The following DLGAP2 variants were observed in gnomAD, a reference collection of about 807,000 sequenced individuals.
DLGAP2 encodes the protein disks large-associated protein 2.
A neutral mutation model predicts 100.3 loss-of-function variants in DLGAP2; 26 were observed. The ratio of observed to expected loss-of-function variants is 0.26; its 90% confidence interval spans 0.19 to 0.36. The LOEUF (loss-of-function observed/expected upper bound fraction) is 0.36. DLGAP2 is among the 10% of genes least tolerant of loss of function. The pLI is 1.00. For missense variants in DLGAP2, 1,858 were observed against 1,453.2 expected (o/e 1.28, Z -4.53); for synonymous variants, 886 against 630.1 (o/e 1.41, Z -6.08).
chr8:1,462,919 C>A (rs1798501443), intron 3 of DLGAP2, among the ~76,000 whole-genome samples: 1 of 152,184 alleles, frequency 6.6e-6, no homozygotes, highest in Non-Finnish European at 1.5e-5. Context: ...CACATGTTGC[C>A]CTCATCCCAT....
intron 3 of DLGAP2, among the ~76,000 whole-genome samples, chr8:1,313,946 C>T (rs995842966): frequency 6.6e-6 from 1 of 152,074 alleles, no homozygotes; most frequent in Non-Finnish European, 1.5e-5. Context: ...GATCACACTT[C>T]AGTATTGGTT....
chr8:990,364 G>C (rs58090148), intron 2 of DLGAP2, among the ~76,000 whole-genome samples: 8,685 of 53,916 alleles, frequency 0.16, 357 homozygotes, highest in Middle Eastern at 0.27. Context: ...TCCTTGCCCG[G>C]ACCCCCTGCA....
chr8:798,343 G>T (rs1421560858), intron 1 of DLGAP2, among the ~76,000 whole-genome samples: 2 of 146,694 alleles, frequency 1.4e-5, no homozygotes, highest in East Asian at 2.1e-4. Flanking sequence ...GCAAACGCTT[G>T]TTGAGTCAGG....
At chr8:1,618,942 G>C (rs1168428442) in intron 6 of DLGAP2, among the ~76,000 whole-genome samples, 1 of 152,118 alleles carries the variant, frequency 6.6e-6, no homozygotes, top group Non-Finnish European at 1.5e-5. Context: ...GATGTCCCTT[G>C]AGGGCCTAAT....
At chr8:1,169,314 G>A (rs964302731) in intron 2 of DLGAP2, among the ~76,000 whole-genome samples, 21 of 152,260 alleles carry the variant, frequency 1.4e-4, no homozygotes, top group African/African-American at 4.1e-4. Flanking sequence ...GTCAGGTAGC[G>A]TGATGCCTCC....
intron 5 of DLGAP2, among the ~76,000 whole-genome samples, chr8:1,561,175 C>T (rs540205201): frequency 3.3e-5 from 5 of 152,310 alleles, no homozygotes; most frequent in Admixed American, 1.3e-4. Flanking sequence ...TGACTTTGCT[C>T]CTCATTCGCC....
intron 4 of DLGAP2, among the ~76,000 whole-genome samples, chr8:1,527,735 G>A (rs1487984838): frequency 1.3e-5 from 2 of 152,162 alleles, no homozygotes; most frequent in Non-Finnish European, 2.9e-5. Flanking sequence ...GCTGGCACGA[G>A]GGGTCAAGGA....
intron 2 of DLGAP2, among the ~76,000 whole-genome samples, chr8:1,051,281 A>T (rs538574795): frequency 1.3e-5 from 2 of 152,152 alleles, no homozygotes; most frequent in African/African-American, 4.8e-5. Context: ...CTCTGGATGG[A>T]GCATTTTTCA....
At chr8:1,276,699 C>G (rs950915141) in intron 3 of DLGAP2, among the ~76,000 whole-genome samples, 1 of 152,014 alleles carries the variant, frequency 6.6e-6, no homozygotes, top group African/African-American at 2.4e-5. Flanking sequence ...GAACAAGACA[C>G]TCTTGTTCAC....
At chr8:1,306,132 A>G (rs1395038082) in intron 3 of DLGAP2, among the ~76,000 whole-genome samples, 1 of 151,458 alleles carries the variant, frequency 6.6e-6, no homozygotes, top group Non-Finnish European at 1.5e-5. Flanking sequence ...CAAATTGGAA[A>G]GAAGTAAAAT....
chr8:1,529,317 G>C (rs372478026), intron 4 of DLGAP2, among the ~76,000 whole-genome samples: 1 of 152,134 alleles, frequency 6.6e-6, no homozygotes, highest in African/African-American at 2.4e-5. Context: ...ACCTCCACTT[G>C]GTCTCTCCCT....
intron 3 of DLGAP2, among the ~76,000 whole-genome samples, chr8:1,331,848 G>C (rs1267613099): frequency 2.0e-5 from 3 of 152,190 alleles, no homozygotes; most frequent in Non-Finnish European, 4.4e-5. Context: ...GAGAGTGGCT[G>C]TGGATCCCTC....
Position 1,210,761 on chromosome 8 carries a change from G to A in DLGAP2, c.74-48090G>A, listed in dbSNP as rs559830548. Among the ~76,000 whole-genome samples, 5 of 151,210 alleles carry A rather than the reference G, an allele frequency of 3.3e-5. No homozygotes were observed. The East Asian group carries it at 9.8e-4, about 30-fold the overall frequency. ...TGGTTCCAATGGCAGCACCCCTGCA[G>A]GGCACGTGGATCCTGGGTCCCTTCC... On this transcript the variant is annotated intron_variant, in intron 2 of 14. Coordinates refer to ENST00000637795, the MANE Select transcript of DLGAP2 (RefSeq NM_001346810.2).
At chr8:1,056,941 G>A (rs956647538) in intron 2 of DLGAP2, among the ~76,000 whole-genome samples, 16 of 152,178 alleles carry the variant, frequency 1.1e-4, no homozygotes, top group Admixed American at 8.5e-4. Context: ...ATAGGGAGGT[G>A]AGAATTTCCT....
chr8:1,474,997 G>C (rs368351372), intron 3 of DLGAP2, among the ~76,000 whole-genome samples: 199 of 152,300 alleles, frequency 1.3e-3, no homozygotes, highest in African/African-American at 4.5e-3. Context: ...CCATCAAAGG[G>C]GGATTGAATA....
intron 4 of DLGAP2, among the ~76,000 whole-genome samples, chr8:1,546,452 C>G (rs1358430915): frequency 6.6e-6 from 1 of 152,206 alleles, no homozygotes; most frequent in African/African-American, 2.4e-5. Flanking sequence ...GAAATCGTAT[C>G]CCTTCCTTAT....
chr8:1,391,272 A>G (rs1265780644), intron 3 of DLGAP2, among the ~76,000 whole-genome samples: 1 of 152,212 alleles, frequency 6.6e-6, no homozygotes, highest in African/African-American at 2.4e-5. Context: ...GGGGCATTCA[A>G]GGATTTGCAA....
rs200796528 is a variant in DLGAP2 at position 1,272,474 on chromosome 8, CAT to C, written c.106+13598_106+13599del. ...TATTAAACATTTTATATATAGAAAA[CAT>C]ATATATTACACATAAACGTTTTATA... On this transcript the variant is annotated intron_variant, in intron 3 of 14. Coordinates refer to ENST00000637795, the MANE Select transcript of DLGAP2 (RefSeq NM_001346810.2). 8.6e-3 allele frequency among the ~76,000 whole-genome samples: 1,299 copies of C among 151,804 alleles called. 7 individuals are homozygous for C. The highest frequency in any genetic ancestry group is 0.014 in the Non-Finnish European group (974 of 67,944).
intron 1 of DLGAP2, among the ~76,000 whole-genome samples, chr8:757,244 C>T (rs539427855): frequency 2.0e-5 from 3 of 152,278 alleles, no homozygotes; most frequent in Admixed American, 6.5e-5. Context: ...TTTTGGGTCC[C>T]TTTTAGCAGT....
Sources: gnomAD v4.1 joint callset for allele counts (sites outside exome capture counted in the v4.1 genomes callset) on GRCh38, gnomAD v4.1.1 for gene constraint, MANE v1.5 for transcripts, NCBI Gene and HGNC (gene_info 2026-07-23, HGNC 2026-07-21) for gene names.